Variants in TRIO observed in about 807,000 individuals in gnomAD.
TRIO encodes the protein triple functional domain protein.
In TRIO, 58 loss-of-function variants were observed where a neutral mutation model predicts 351.9. The observed-to-expected ratio is 0.16, with a 90% confidence interval of 0.13 to 0.21. The LOEUF (loss-of-function observed/expected upper bound fraction) is 0.21. Among genes scored for constraint, TRIO ranks in the 10% least tolerant of loss-of-function variants. The pLI is 1.00. For synonymous variants in TRIO, 1,758 were observed against 1,595.7 expected (o/e 1.10, Z -2.42); for missense variants, 3,201 against 4,027.8 (o/e 0.79, Z 5.56).
At chr5:14,474,674 A>G (rs1754920243) in intron 40 of TRIO, among the ~76,000 whole-genome samples, 1 of 152,008 alleles carries the variant, frequency 6.6e-6, no homozygotes, top group African/African-American at 2.4e-5. Context: ...TGTTATTTTT[A>G]TTTTTTAGAG....
At chr5:14,379,705 A>G (rs1745895040) in intron 20 of TRIO, among the ~76,000 whole-genome samples, 1 of 152,240 alleles carries the variant, frequency 6.6e-6, no homozygotes, top group Non-Finnish European at 1.5e-5. Context: ...TCAGCTATAG[A>G]AAAGCAAAAT....
At position 14,336,609 on chromosome 5, in the gene TRIO, A is replaced by G; in HGVS notation, c.1928A>G (p.Glu643Gly). ...QLAQTGECDP[E>G]EIYQAAHQLE... ...GCTCAGACTGGGGAATGTGACCCCG[A>G]AGAGATTTATCAGGCTGCCCATCAG... The change falls in exon 11 of 57, where the codon GAA becomes GGA. Residue 643 changes from glutamate (E) to glycine (G), a missense_variant. By Grantham distance (98) the Glu-to-Gly change is moderately conservative (BLOSUM62 -2). Around this residue, in one of 19 missense-constraint regions of TRIO, gnomAD observed 363 missense variants for 553.5 expected, o/e 0.66. Transcript: ENST00000344204. The G allele has an allele frequency of 6.2e-7, 1 of 1,614,194 alleles. No individual in the cohort carries two copies.
chr5:14,291,309 G>A, intron 5 of TRIO, 81 bp downstream of exon 5: 1 of 1,440,434 alleles, frequency 6.9e-7, no homozygotes, highest in Non-Finnish European at 9.4e-7. Context: ...AAAGAGAAAA[G>A]GTGGAGAATG....
intron 11 of TRIO, among the ~76,000 whole-genome samples, chr5:14,349,336 AGCATGTGTTTTTCCT>A (rs1206528370): frequency 6.6e-6 from 1 of 151,270 alleles, no homozygotes; most frequent in Non-Finnish European, 1.5e-5. Flanking sequence ...CACGCACATG[AGCATGTGTTTTTCCT>A]GCATATGTGT....
intron 42 of TRIO, among the ~76,000 whole-genome samples, 192 bp from the exon 43 acceptor site, chr5:14,479,727 T>C (rs1755372950): frequency 6.6e-6 from 1 of 152,224 alleles, no homozygotes; most frequent in Non-Finnish European, 1.5e-5. Context: ...AAAAGACTGC[T>C]TTGAAAAACA....
intron 55 of TRIO, among the ~76,000 whole-genome samples, chr5:14,506,389 G>A (rs1287904533): frequency 1.3e-5 from 2 of 152,224 alleles, no homozygotes; most frequent in Non-Finnish European, 2.9e-5. Context: ...AAAGAGAGCA[G>A]CATAGGCCGG....
chr5:14,419,493 C>A (rs1284360422), intron 33 of TRIO, among the ~76,000 whole-genome samples: 1 of 152,228 alleles, frequency 6.6e-6, no homozygotes, highest in Non-Finnish European at 1.5e-5. Context: ...CCCCAGATAG[C>A]CTTCAAGCAG....
chr5:14,325,000 G>A (rs1000156639), intron 9 of TRIO, among the ~76,000 whole-genome samples: 2 of 152,166 alleles, frequency 1.3e-5, no homozygotes, highest in Non-Finnish European at 2.9e-5. Context: ...AGCTTTCTGT[G>A]GTTGAGATCA....
At chr5:14,503,523 G>A (rs971791817) in intron 54 of TRIO, among the ~76,000 whole-genome samples, 3 of 152,322 alleles carry the variant, frequency 2.0e-5, no homozygotes, top group East Asian at 1.9e-4. Context: ...TGTCAGAGGC[G>A]TTGTCTGGGA....
intron 11 of TRIO, among the ~76,000 whole-genome samples, chr5:14,339,694 G>T (rs189544837): frequency 2.0e-5 from 3 of 152,308 alleles, no homozygotes; most frequent in Non-Finnish European, 4.4e-5. Flanking sequence ...CAAGGACGCT[G>T]CCCGCAGGCT....
chr5:14,186,827 C>T (rs1372326224), intron 1 of TRIO, among the ~76,000 whole-genome samples: 1 of 152,158 alleles, frequency 6.6e-6, no homozygotes, highest in African/African-American at 2.4e-5. Context: ...ATCCACCTGT[C>T]TCGGCCTCCC....
At chr5:14,306,576 G>A (rs1033704885) in intron 8 of TRIO, among the ~76,000 whole-genome samples, 1 of 152,234 alleles carries the variant, frequency 6.6e-6, no homozygotes, top group Non-Finnish European at 1.5e-5. Context: ...CTTTGGAGCT[G>A]TTCTTTGAAT....
At chr5:14,241,422 A>G (rs1794122734) in intron 1 of TRIO, among the ~76,000 whole-genome samples, 1 of 152,224 alleles carries the variant, frequency 6.6e-6, no homozygotes. Context: ...TACATAGTAA[A>G]GCAAGCTAGT....
chr5:14,503,554 G>T (rs1397908408), intron 54 of TRIO, among the ~76,000 whole-genome samples: 1 of 152,166 alleles, frequency 6.6e-6, no homozygotes, highest in Non-Finnish European at 1.5e-5. Context: ...TTTCCACATC[G>T]ACTTTCACCC....
intron 46 of TRIO, among the ~76,000 whole-genome samples, chr5:14,483,291 C>T (rs1383085962): frequency 6.6e-6 from 1 of 152,142 alleles, no homozygotes; most frequent in Non-Finnish European, 1.5e-5. Flanking sequence ...GCCAATGGCC[C>T]TCAAGTCTGT....
At chr5:14,145,246 TGAGAGGCA>T (rs1200031408) in intron 1 of TRIO, among the ~76,000 whole-genome samples, 1 of 152,178 alleles carries the variant, frequency 6.6e-6, no homozygotes, top group Non-Finnish European at 1.5e-5. Context: ...AGGGCGATGG[TGAGAGGCA>T]GAAGTTAGCA....
intron 1 of TRIO, among the ~76,000 whole-genome samples, chr5:14,162,297 T>G (rs540235551): frequency 6.6e-6 from 1 of 152,332 alleles, no homozygotes; most frequent in South Asian, 2.1e-4. Context: ...AACTCTCATT[T>G]GAAGTCACTG....
intron 9 of TRIO, 132 bp from the exon 10 acceptor site, chr5:14,330,646 A>AT (rs34654449): frequency 1.8e-3 from 2,021 of 1,128,890 alleles, no homozygotes; most frequent in South Asian, 2.3e-3. Context: ...ACTTCTTCCC[A>AT]TTTTTTTTTC....
Position 14,501,079 on chromosome 5 carries a change from GA to G in TRIO, c.8333-1490del, listed in dbSNP as rs548275270. ...AATAAAAATGTTTATTTAAAAAAAA[GA>G]AAAAAAAAACACCAAGCCCTTTCAG... is the stretch of plus-strand genomic sequence containing the variant. On this transcript the variant is annotated intron_variant, in intron 53 of 56. Coordinates refer to ENST00000344204, the MANE Select transcript of TRIO (RefSeq NM_007118.4). Among the ~76,000 whole-genome samples the G allele has an allele frequency of 2.5e-3, 335 of 135,068 alleles. 1 individual carries two copies. Among genetic ancestry groups the G allele is most frequent in the African/African-American group, 8.3e-3 (302 of 36,584 alleles). 88.6% of individuals were successfully genotyped at this position (135,068 alleles called of 152,430 possible). A position where few individuals can be genotyped will look rare whatever the true frequency, so the allele number is the denominator to read the frequency against.
Sources: gnomAD v4.1 joint callset for allele counts (sites outside exome capture counted in the v4.1 genomes callset) on GRCh38, gnomAD v4.1.1 for gene constraint, gnomAD v4.1.1 regional missense constraint, MANE v1.5 for transcripts, NCBI Gene and HGNC (gene_info 2026-07-23, HGNC 2026-07-21) for gene names.